Variants in DNA2 observed in about 807,000 individuals in gnomAD.
DNA2 encodes the protein DNA replication helicase/nuclease 2, also known as DNA replication ATP-dependent helicase/nuclease DNA2.
In DNA2, 101 loss-of-function variants were observed where a neutral mutation model predicts 119.1. That is an observed-to-expected ratio of 0.85 (90% CI 0.72 to 1.00). The LOEUF (loss-of-function observed/expected upper bound fraction) is 1.00. DNA2 is among the 50% of genes least tolerant of loss of function. The pLI is 0.00. For synonymous variants in DNA2, 366 were observed against 424.4 expected, an observed-to-expected ratio of 0.86 and a Z score of 1.69; for missense variants, 1,121 against 1,255.5, an observed-to-expected ratio of 0.89 and a Z score of 1.62.
chr10:68,471,938 G>A lies in DNA2; in HGVS notation c.-74C>T, dbSNP rs201453425. On this transcript the variant is annotated 5_prime_UTR_variant, in exon 1 of 21. Coordinates refer to ENST00000358410, the MANE Select transcript of DNA2 (RefSeq NM_001080449.3). ...GGGGTAACACAGAAAGCTTAGAAAA[G>A]GGAAAAAGGCGCGAGCCTGCGCACC... The A allele has an allele frequency of 4.3e-4, 695 of 1,613,490 alleles. 1 individual carries two copies. The highest frequency in any genetic ancestry group is 5.7e-4 in the Non-Finnish European group (668 of 1,179,496).
At position 68,419,102 on chromosome 10, in the gene DNA2, C is replaced by T; in HGVS notation, c.2899G>A (p.Asp967Asn). 5 of 1,613,228 alleles carry T rather than the reference C, an allele frequency of 3.1e-6. No homozygotes were observed. Among genetic ancestry groups the T allele is most frequent in the Non-Finnish European group, 4.2e-6 (5 of 1,179,614 alleles). ...CTTTTGTCCCTTCCTTGGTATTTGT[C>T]TACTGTATTAACTTCGACCATCCCA... ...SIGMVEVNTV[D>N]KYQGRDKSIV... is the part of the protein sequence containing the mutation. The change falls in exon 19 of 21, where the codon GAC (aspartate) becomes AAC (asparagine). Residue 967 changes from aspartate to asparagine, a missense_variant. Transcript: ENST00000358410.
At chr10:68,469,890 A>T in intron 2 of DNA2, 91 bp downstream of exon 2, 1 of 1,169,430 alleles carries the variant, frequency 8.6e-7, no homozygotes, top group Non-Finnish European at 1.2e-6. Context: ...TAAACAATTA[A>T]ATTATAGTAA....
intron 2 of DNA2, among the ~76,000 whole-genome samples, chr10:68,469,269 G>A (rs1157899315): frequency 6.6e-6 from 1 of 151,732 alleles, no homozygotes; most frequent in Non-Finnish European, 1.5e-5. Context: ...GGGAAGGCCG[G>A]GCGCGGTGGC....
chr10:68,471,227 A>G (rs1391024462), intron 1 of DNA2, among the ~76,000 whole-genome samples: 1 of 152,160 alleles, frequency 6.6e-6, no homozygotes, highest in Non-Finnish European at 1.5e-5. Flanking sequence ...TTATTCCTGT[A>G]GTCCACCTAA....
chr10:68,429,246 T>TA (rs530484976), intron 14 of DNA2, among the ~76,000 whole-genome samples: 5,312 of 117,752 alleles, frequency 0.045, 137 homozygotes, highest in Middle Eastern at 0.088. Context: ...AAGGTTCAAT[T>TA]AAAAAAAAAA....
intron 14 of DNA2, among the ~76,000 whole-genome samples, chr10:68,428,333 A>C (rs1183830517): frequency 6.6e-6 from 1 of 152,202 alleles, no homozygotes; most frequent in Non-Finnish European, 1.5e-5. Flanking sequence ...CTCAAAATAA[A>C]AAAAAATTGT....
chr10:68,471,755 C>T (rs371903730), intron 1 of DNA2, 36 bp downstream of exon 1: 180 of 1,543,314 alleles, frequency 1.2e-4, no homozygotes, highest in Non-Finnish European at 1.5e-4. Context: ...TCAAATCTCC[C>T]GCTTTGTTCC....
In DNA2 at chr10:68,419,130, A is replaced by T; in HGVS notation, c.2871T>A (p.Ser957=). 1 of 1,613,520 alleles carries T rather than the reference A, an allele frequency of 6.2e-7. No homozygotes were observed. Among genetic ancestry groups the T allele is most frequent in the Non-Finnish European group, 8.5e-7 (1 of 1,179,688 alleles). ...LKIINDLLAR[S]IGMVEVNTVD... ...CTGTATTAACTTCGACCATCCCAAT[A>T]GAACGTGCCAATAAATCATTGATGA... The change falls in exon 19 of 21, where the codon TCT becomes TCA. Residue 957 remains serine, a synonymous_variant. Coordinates refer to ENST00000358410, the MANE Select transcript of DNA2 (RefSeq NM_001080449.3).
intron 13 of DNA2, among the ~76,000 whole-genome samples, chr10:68,431,080 C>G (rs2051813746): frequency 6.6e-6 from 1 of 151,898 alleles, no homozygotes; most frequent in Non-Finnish European, 1.5e-5. Context: ...ATTGAGACTG[C>G]ATGAACTGTG....
At chr10:68,424,677 C>A in intron 14 of DNA2, 2 of 1,606,792 alleles carry the variant, frequency 1.2e-6, no homozygotes, top group Non-Finnish European at 1.7e-6. Flanking sequence ...GGAGCTGCGG[C>A]AGAAGTACAA....
At chr10:68,416,609 A>G (rs939655100) in intron 20 of DNA2, 100 bp downstream of exon 20, 6 of 1,252,816 alleles carry the variant, frequency 4.8e-6, no homozygotes, top group Admixed American at 3.8e-5. Context: ...GGAGTTCAAG[A>G]CCAGCTTAAG....
chr10:68,430,508 A>G lies in DNA2; in HGVS notation c.2136T>C (p.Phe712=), dbSNP rs1295974681. ...TTGATCTGCAAATTTCTTGCTCTGT[A>G]AATTGCTGGATAGCTGGATGAACCT... ...IQKVHPAIQQ[F]TEQEICRSKS... is the part of the protein sequence containing the mutation. Residue 712 remains phenylalanine, a synonymous_variant, in exon 14 of 21, where the codon TTT becomes TTC. Coordinates refer to ENST00000358410, the MANE Select transcript of DNA2 (RefSeq NM_001080449.3). 5 of 1,612,200 alleles carry G rather than the reference A, an allele frequency of 3.1e-6. No individual in the cohort carries two copies. The highest frequency in any genetic ancestry group is 4.2e-6 in the Non-Finnish European group (5 of 1,179,136).
rs1252729644 is a variant in DNA2 at position 68,452,746 on chromosome 10, T to C, written c.720-2499A>G. ...GCCATTACGCCCAGCTATTTTTTTT[T>C]TTTTTTTTTTTTTTTTTTGTAGGGA... On this transcript the variant is annotated intron_variant, in intron 5 of 20. Coordinates refer to ENST00000358410, the MANE Select transcript of DNA2 (RefSeq NM_001080449.3). 2.2e-5 allele frequency among the ~76,000 whole-genome samples: 3 copies of C among 138,286 alleles called. No homozygotes were observed. In the East Asian group the frequency reaches 6.0e-4, roughly 28 times the overall value. The allele number at this position is 138,286 out of a possible 152,430, so 90.7% of individuals were successfully genotyped here.
chr10:68,465,747 G>T lies in DNA2; in HGVS notation c.507C>A (p.Ala169=), dbSNP rs3758626. ...TTTCTGGGGCAAAGCTATTATTTAT[G>T]GCTTTTTGAAACACCTCATGGAGAA... The part of the protein sequence containing the change: ...GTVLHEVFQK[A]INNSFAPEKL... The change falls in exon 4 of 21, where the codon GCC becomes GCA. Residue 169 remains alanine, a synonymous_variant. Coordinates refer to ENST00000358410, the MANE Select transcript of DNA2 (RefSeq NM_001080449.3). The T allele has an allele frequency of 0.24, 383,644 of 1,604,186 alleles. 50,571 individuals are homozygous for T. Among genetic ancestry groups the T allele is most frequent in the African/African-American group, 0.42 (31,571 of 74,528 alleles).
chr10:68,415,931 T>G (rs1042357259), intron 20 of DNA2, among the ~76,000 whole-genome samples: 5 of 152,162 alleles, frequency 3.3e-5, no homozygotes, highest in Non-Finnish European at 5.9e-5. Flanking sequence ...ATTACAGGTG[T>G]GAGCCACCAG....
chr10:68,463,035 G>A (rs573343288), intron 4 of DNA2, among the ~76,000 whole-genome samples: 45 of 152,150 alleles, frequency 3.0e-4, no homozygotes, highest in Non-Finnish European at 5.1e-4. Context: ...AGAAGGCTGA[G>A]GCAGGAGAAC....
intron 17 of DNA2, among the ~76,000 whole-genome samples, chr10:68,420,744 A>T (rs1266417536): frequency 1.3e-5 from 2 of 148,212 alleles, no homozygotes; most frequent in Admixed American, 6.8e-5. Context: ...GCACCACTGC[A>T]CTCCAGCCTG....
intron 18 of DNA2, 95 bp from the exon 19 acceptor site, chr10:68,419,308 C>T: frequency 1.0e-6 from 1 of 980,906 alleles, no homozygotes; most frequent in Non-Finnish European, 1.4e-6. Context: ...ATGTGCCCAA[C>T]TGATGTTTAT....
chr10:68,467,611 C>A (rs1404049002), intron 3 of DNA2, among the ~76,000 whole-genome samples: 5 of 151,934 alleles, frequency 3.3e-5, no homozygotes, highest in African/African-American at 9.7e-5. Context: ...ACTGCAGTAG[C>A]ATGATCTCGG....
Sources: allele counts gnomAD v4.1 joint callset (sites outside exome capture counted in the v4.1 genomes callset), GRCh38; gene constraint gnomAD v4.1.1; transcripts MANE v1.5; gene names NCBI Gene and HGNC (gene_info 2026-07-23, HGNC 2026-07-21).